LRRC8A: variants seen among roughly 807,000 people sequenced by gnomAD.
The protein encoded by LRRC8A is volume-regulated anion channel subunit LRRC8A.
A neutral mutation model predicts 52.5 loss-of-function variants in LRRC8A; 24 were observed. The observed-to-expected ratio is 0.46, with a 90% CI of 0.33 to 0.64. The LOEUF (loss-of-function observed/expected upper bound fraction) is 0.64. LRRC8A is among the 30% of genes least tolerant of loss of function. LRRC8A has a pLI of 0.02. For missense variants in LRRC8A, 677 were observed against 1,094.7 expected (o/e 0.62, Z 5.38); for synonymous variants, 492 against 494.2 (o/e 1.00, Z 0.06).
chr9:128,890,865 C>T (rs1285440905), intron 2 of LRRC8A, among the ~76,000 whole-genome samples: 3 of 152,178 alleles, frequency 2.0e-5, no homozygotes, highest in South Asian at 2.1e-4. Flanking sequence ...AGCCAACAAA[C>T]GTTGGCTGGA....
At chr9:128,901,307 T>G (rs773262329) in intron 2 of LRRC8A, among the ~76,000 whole-genome samples, 1 of 151,918 alleles carries the variant, frequency 6.6e-6, no homozygotes, top group Non-Finnish European at 1.5e-5. Flanking sequence ...GACTAAAATA[T>G]GAAAAATTAG....
At chr9:128,895,018 C>T (rs1263236380) in intron 2 of LRRC8A, among the ~76,000 whole-genome samples, 1 of 152,130 alleles carries the variant, frequency 6.6e-6, no homozygotes, top group Non-Finnish European at 1.5e-5. Flanking sequence ...TTTCCTGCTC[C>T]CCCAGGCCCT....
rs772356896 is a variant in LRRC8A at position 128,909,114 on chromosome 9, C to G, written c.1950C>G (p.His650Gln). 1 of 1,614,176 alleles carries G rather than the reference C, an allele frequency of 6.2e-7. No individual in the cohort carries two copies. Among genetic ancestry groups the G allele is most frequent in the Non-Finnish European group, 8.5e-7 (1 of 1,180,038 alleles). ...RLTCLKLWYN[H>Q]IAYIPIQIGN... ...CCTGCCTTAAGCTGTGGTACAACCACATCGCCTACATCCCCATCCAGATCG... is the reference window on the plus strand; with the variant it reads ...CCTGCCTTAAGCTGTGGTACAACCAGATCGCCTACATCCCCATCCAGATCG... The change falls in exon 3 of 4, where the codon CAC (histidine) becomes CAG (glutamine). Residue 650 changes from histidine to glutamine, a missense_variant. Transcript: ENST00000372600.
chr9:128,905,167 A>T (rs192137985), intron 2 of LRRC8A, among the ~76,000 whole-genome samples: 3 of 152,306 alleles, frequency 2.0e-5, no homozygotes, highest in African/African-American at 7.2e-5. Flanking sequence ...AGCAAGATCC[A>T]ATCTCTTACA....
At chr9:128,909,686 C>G (rs1840420559) in intron 3 of LRRC8A, among the ~76,000 whole-genome samples, 1 of 152,248 alleles carries the variant, frequency 6.6e-6, no homozygotes, top group Non-Finnish European at 1.5e-5. Flanking sequence ...CCCGGGGGTT[C>G]TCTCGCAAAG....
rs1167883196 is a variant in LRRC8A at position 128,911,795 on chromosome 9, C to T, written c.2157+2474C>T. Among the ~76,000 whole-genome samples, 1 of 152,246 alleles carries T rather than the reference C, an allele frequency of 6.6e-6. No homozygotes were observed. The highest frequency in any genetic ancestry group is 1.5e-5 in the Non-Finnish European group (1 of 68,038). On this transcript the variant is annotated intron_variant, in intron 3 of 3. Coordinates refer to ENST00000372600, the MANE Select transcript of LRRC8A (RefSeq NM_019594.4). This position sits in a 1 kb window ranked among gnomAD's most constrained non-coding sequence, Gnocchi z 4.9. ...TGTTTAGCACATGGCTTAATCACAT[C>T]CTGTCCCCACCCCCTGGAACACCAG...
chr9:128,882,392 C>T (rs1264676990), intron 1 of LRRC8A, 142 bp downstream of exon 1: 2 of 255,542 alleles, frequency 7.8e-6, no homozygotes, highest in Non-Finnish European at 1.5e-5. Flanking sequence ...GGACCTCCCG[C>T]GGTGTTCGGC....
chr9:128,894,923 G>A (rs1442614355), intron 2 of LRRC8A, among the ~76,000 whole-genome samples: 1 of 151,752 alleles, frequency 6.6e-6, no homozygotes, highest in African/African-American at 2.4e-5. Flanking sequence ...TTCATATTGT[G>A]TATCCATCAC....
chr9:128,917,855 C>G lies in LRRC8A; in HGVS notation c.*1484C>G, dbSNP rs958408755. 6.5e-6 allele frequency: 1 copy of G among 152,690 alleles called. No homozygotes were observed. Among genetic ancestry groups the G allele is most frequent in the African/African-American group, 2.4e-5 (1 of 41,462 alleles). 9.5% of individuals were successfully genotyped at this position (152,690 alleles called of 1,614,324 possible). ...TGGACACTAAGGCACGTTTTAGAGTCTCTTGTCTTAATGATTATGTCCATC... is the reference window on the plus strand; with the variant it reads ...TGGACACTAAGGCACGTTTTAGAGTGTCTTGTCTTAATGATTATGTCCATC... On this transcript the variant is annotated 3_prime_UTR_variant, in exon 4 of 4. Coordinates refer to ENST00000372600, the MANE Select transcript of LRRC8A (RefSeq NM_019594.4).
At chr9:128,891,567 A>C (rs1322053088) in intron 2 of LRRC8A, among the ~76,000 whole-genome samples, 1 of 152,184 alleles carries the variant, frequency 6.6e-6, no homozygotes. Context: ...TCTCAAAAAA[A>C]ATAAAACGGC....
chr9:128,896,017 G>A (rs1462247996), intron 2 of LRRC8A, among the ~76,000 whole-genome samples: 1 of 152,190 alleles, frequency 6.6e-6, no homozygotes, highest in African/African-American at 2.4e-5. Context: ...TTGAATGTGC[G>A]CAGGCACTTA....
Position 128,902,697 on chromosome 9 carries a change from T to G in LRRC8A, c.-8-4460T>G, listed in dbSNP as rs1007140558. ...TGGGGACTCCAGGTGTCCACATGTC[T>G]CAGTGGAGGCAGCTGTGTGATTCAG... On this transcript the variant is annotated intron_variant, in intron 2 of 3. Coordinates refer to ENST00000372600, the MANE Select transcript of LRRC8A (RefSeq NM_019594.4). The surrounding 1 kb of genome is among the most constrained non-coding windows in gnomAD (Gnocchi z 4.1). Among the ~76,000 whole-genome samples, 4 of 152,170 alleles carry G rather than the reference T, an allele frequency of 2.6e-5. No individual in the cohort carries two copies. Among genetic ancestry groups the G allele is most frequent in the Non-Finnish European group, 5.9e-5 (4 of 68,026 alleles).
At chr9:128,915,825 G>A (rs1369582980) in intron 3 of LRRC8A, among the ~76,000 whole-genome samples, 1 of 152,178 alleles carries the variant, frequency 6.6e-6, no homozygotes, top group Non-Finnish European at 1.5e-5. Flanking sequence ...CACATCAAGG[G>A]GGTAACAGAT....
At chr9:128,886,484 G>GT (rs1165307809) in intron 2 of LRRC8A, among the ~76,000 whole-genome samples, 1 of 152,172 alleles carries the variant, frequency 6.6e-6, no homozygotes, top group African/African-American at 2.4e-5. Flanking sequence ...GGTCACAGTG[G>GT]TTTGATAATT....
Position 128,907,662 on chromosome 9 carries a change from G to T in LRRC8A, c.498G>T (p.Ser166=). 1 of 1,614,026 alleles carries T rather than the reference G, an allele frequency of 6.2e-7. No individual in the cohort carries two copies. The highest frequency in any genetic ancestry group is 1.1e-5 in the South Asian group (1 of 91,082). ...FVSILLKCFD[S]PWTTRALSET... The stretch of plus-strand genomic sequence containing the variant: ...CTATCCTGCTGAAGTGCTTCGACTC[G>T]CCCTGGACCACGAGGGCCCTGTCGG... The change falls in exon 3 of 4, where the codon TCG becomes TCT. Residue 166 remains serine (S), a synonymous_variant. Coordinates refer to ENST00000372600, the MANE Select transcript of LRRC8A (RefSeq NM_019594.4). The surrounding 1 kb of genome is among the most constrained non-coding windows in gnomAD (Gnocchi z 9.3).
chr9:128,894,170 C>A (rs758760007), intron 2 of LRRC8A, among the ~76,000 whole-genome samples: 59 of 151,854 alleles, frequency 3.9e-4, no homozygotes, highest in Non-Finnish European at 7.2e-4. Context: ...CGTGAGCCAC[C>A]GTGCCCAGCC....
chr9:128,903,423 T>TC (rs1181213325), intron 2 of LRRC8A, among the ~76,000 whole-genome samples: 1 of 150,340 alleles, frequency 6.7e-6, no homozygotes, highest in Admixed American at 6.6e-5. Context: ...TTTTTTTTTT[T>TC]TTTTTTTGAG....
intron 2 of LRRC8A, among the ~76,000 whole-genome samples, chr9:128,903,674 A>G (rs1840121552): frequency 6.6e-6 from 1 of 151,098 alleles, no homozygotes; most frequent in African/African-American, 2.4e-5. Flanking sequence ...TGGCCTCCCA[A>G]AGTGCTGGGA....
chr9:128,891,864 G>A (rs1451374046), intron 2 of LRRC8A, among the ~76,000 whole-genome samples: 1 of 152,184 alleles, frequency 6.6e-6, no homozygotes, highest in Non-Finnish European at 1.5e-5. Context: ...GTCGGGCTTG[G>A]GGTGCATCTT....
Sources: allele counts gnomAD v4.1 joint callset (sites outside exome capture counted in the v4.1 genomes callset), GRCh38; gene constraint gnomAD v4.1.1; non-coding constraint Gnocchi (gnomAD v3.1); transcripts MANE v1.5; gene names NCBI Gene and HGNC (gene_info 2026-07-23, HGNC 2026-07-21).